Variants in ATP6V1C2 observed in about 807,000 individuals in gnomAD.
ATP6V1C2 encodes V-type proton ATPase subunit C 2.
ATP6V1C2 carries 45 observed loss-of-function variants against 56.8 expected under a neutral mutation model. That is an observed-to-expected ratio of 0.79 (90% CI 0.62 to 1.02). The LOEUF is 1.02. ATP6V1C2 is among the 50% of genes least tolerant of loss of function. The probability of loss-of-function intolerance (pLI) is 0.00; values close to 1 mark genes in which losing one functional copy is unlikely to be tolerated. For missense variants in ATP6V1C2, 463 were observed against 519.7 expected, an observed-to-expected ratio of 0.89 and a Z score of 1.06; for synonymous variants, 220 against 201.3, an observed-to-expected ratio of 1.09 and a Z score of -0.79.
intron 7 of ATP6V1C2, 122 bp from the exon 8 acceptor site, chr2:10,772,420 T>A (rs1248186826): frequency 2.4e-6 from 2 of 844,192 alleles, no homozygotes; most frequent in East Asian, 4.8e-5. Flanking sequence ...GAGGGCTCCC[T>A]CTGACCCCAT....
chr2:10,764,279 C>T, intron 4 of ATP6V1C2, 52 bp from the exon 5 acceptor site: 1 of 1,474,786 alleles, frequency 6.8e-7, no homozygotes. Context: ...AAGTCTCAAT[C>T]ATGGATGCAG....
chr2:10,768,107 A>C (rs1198846), intron 5 of ATP6V1C2: 122,573 of 152,590 alleles, frequency 0.8, 49,434 homozygotes, highest in East Asian at 0.94. Flanking sequence ...GCTGGTTGTC[A>C]AAGCTGGTGG....
chr2:10,771,452 C>T (rs779083152), intron 6 of ATP6V1C2, among the ~76,000 whole-genome samples: 5 of 152,210 alleles, frequency 3.3e-5, no homozygotes, highest in Admixed American at 1.3e-4. Context: ...AAGAGCTGGC[C>T]GTTGTGTTGA....
Position 10,783,354 on chromosome 2 carries a change from G to C in ATP6V1C2, c.*91G>C. On this transcript the variant is annotated 3_prime_UTR_variant, in exon 14 of 14. Coordinates refer to ENST00000272238, the MANE Select transcript of ATP6V1C2 (RefSeq NM_001039362.2). ...CAGAGAATGGTTCAAATGTCTTACA[G>C]AACTAAGATCTTTTTCAGAGAAATT... The C allele has an allele frequency of 1.3e-6, 1 of 768,992 alleles. No homozygotes were observed. Among genetic ancestry groups the C allele is most frequent in the Non-Finnish European group, 2.1e-6 (1 of 477,948 alleles). 47.6% of individuals were successfully genotyped at this position (768,992 alleles called of 1,614,324 possible).
At chr2:10,753,911 C>A in intron 3 of ATP6V1C2, 70 bp from the exon 4 acceptor site, 1 of 1,385,950 alleles carries the variant, frequency 7.2e-7, no homozygotes, top group Non-Finnish European at 1.0e-6. Context: ...CTTTTCCTGC[C>A]AGCAGCATGT....
chr2:10,764,471 G>A, intron 5 of ATP6V1C2, 46 bp downstream of exon 5: 1 of 1,546,096 alleles, frequency 6.5e-7, no homozygotes, highest in Non-Finnish European at 8.9e-7. Context: ...GGTGGGTCAG[G>A]CGGGCAAGAG....
chr2:10,731,453 C>G (rs1357565714), intron 3 of ATP6V1C2, among the ~76,000 whole-genome samples: 1 of 152,184 alleles, frequency 6.6e-6, no homozygotes, highest in East Asian at 1.9e-4. Context: ...CTCTGCACCA[C>G]AGGGAGGTAT....
chr2:10,762,027 T>C (rs893604835), intron 4 of ATP6V1C2, among the ~76,000 whole-genome samples: 1 of 152,246 alleles, frequency 6.6e-6, no homozygotes, highest in African/African-American at 2.4e-5. Context: ...TGCAGGGCGT[T>C]AGGTGCTTCA....
intron 4 of ATP6V1C2, 111 bp from the exon 5 acceptor site, chr2:10,764,220 C>T: frequency 2.1e-6 from 2 of 950,874 alleles, no homozygotes; most frequent in South Asian, 1.4e-5. Flanking sequence ...CCGGCGTTGC[C>T]CATGATGGCT....
Position 10,784,861 on chromosome 2 carries a change from G to A in ATP6V1C2, c.*1598G>A, listed in dbSNP as rs1665629108. The A allele has an allele frequency of 1.8e-6, 2 of 1,118,472 alleles. No homozygotes were observed. Among genetic ancestry groups the A allele is most frequent in the South Asian group, 1.3e-5 (1 of 74,742 alleles). 69.3% of individuals were successfully genotyped at this position (1,118,472 alleles called of 1,614,324 possible). A position where few individuals can be genotyped will look rare whatever the true frequency, so the allele number is the denominator to read the frequency against. On this transcript the variant is annotated 3_prime_UTR_variant, in exon 14 of 14. Coordinates refer to ENST00000272238, the MANE Select transcript of ATP6V1C2 (RefSeq NM_001039362.2). Reference sequence around the variant, plus strand: ...GTCTGATGGGAAGGACTTGACTCCAGGTGCAGAGATGCACAGGCTCAAGAG... The same window carrying A: ...GTCTGATGGGAAGGACTTGACTCCAAGTGCAGAGATGCACAGGCTCAAGAG...
chr2:10,754,196 T>G (rs747047144), intron 4 of ATP6V1C2, 130 bp downstream of exon 4: 21 of 669,446 alleles, frequency 3.1e-5, no homozygotes, highest in Non-Finnish European at 5.5e-5. Context: ...GATTGACACA[T>G]TGGGCAGAGG....
chr2:10,758,957 G>A (rs1663725086), intron 4 of ATP6V1C2, among the ~76,000 whole-genome samples: 1 of 152,174 alleles, frequency 6.6e-6, no homozygotes, highest in African/African-American at 2.4e-5. Flanking sequence ...GTGAGCCACC[G>A]CGCCGGCCGA....
intron 6 of ATP6V1C2, 103 bp downstream of exon 6, chr2:10,768,913 ATGAGAG>A: frequency 2.2e-6 from 2 of 905,704 alleles, no homozygotes; most frequent in Non-Finnish European, 3.5e-6. Flanking sequence ...GTGCCCATGC[ATGAGAG>A]TGAGACAGAC....
intron 3 of ATP6V1C2, among the ~76,000 whole-genome samples, chr2:10,730,642 C>A (rs2148413977): frequency 7.7e-6 from 1 of 129,516 alleles, no homozygotes; most frequent in Non-Finnish European, 1.6e-5. Context: ...AGATAATACA[C>A]AGGTGTAAAC....
Position 10,784,501 on chromosome 2 carries a change from C to A in ATP6V1C2, c.*1238C>A. The A allele has an allele frequency of 1.8e-6, 1 of 557,390 alleles. No homozygotes were observed. Among genetic ancestry groups the A allele is most frequent in the Non-Finnish European group, 3.1e-6 (1 of 318,110 alleles). The allele number at this position is 557,390 out of a possible 1,614,324, so 34.5% of individuals were successfully genotyped here. On this transcript the variant is annotated 3_prime_UTR_variant, in exon 14 of 14. Coordinates refer to ENST00000272238, the MANE Select transcript of ATP6V1C2 (RefSeq NM_001039362.2). Reference sequence around the variant, plus strand: ...CTATGATTATACGGATGGAAAAGCTCAGAACTCAGGTGAAACATTTCAACA... The same window carrying A: ...CTATGATTATACGGATGGAAAAGCTAAGAACTCAGGTGAAACATTTCAACA...
At position 10,780,221 on chromosome 2, in the gene ATP6V1C2, C is replaced by G. The variant is rs910918393; in HGVS notation, c.1061+1552C>G. On this transcript the variant is annotated intron_variant, in intron 12 of 13. Transcript: ENST00000272238. The surrounding 1 kb of genome is among the most constrained non-coding windows in gnomAD (Gnocchi z 4.1). ...CACCCCTTCCTCTGCTTCCCTGTTT[C>G]TGCCAGTGGCCTCCTCATCCTTCCC... 7.9e-5 allele frequency among the ~76,000 whole-genome samples: 12 copies of G among 152,214 alleles called. No homozygotes were observed. Among genetic ancestry groups the G allele is most frequent in the Non-Finnish European group, 1.3e-4 (9 of 68,042 alleles).
At chr2:10,755,967 C>T (rs1168679474) in intron 4 of ATP6V1C2, among the ~76,000 whole-genome samples, 1 of 152,118 alleles carries the variant, frequency 6.6e-6, no homozygotes, top group Admixed American at 6.6e-5. Context: ...AAGGCAAAAC[C>T]TTTGAGACTT....
At chr2:10,766,613 C>A (rs2148484972) in intron 5 of ATP6V1C2, among the ~76,000 whole-genome samples, 1 of 151,992 alleles carries the variant, frequency 6.6e-6, no homozygotes, top group South Asian at 2.1e-4. Context: ...ATATATAAAT[C>A]TTATTTTAAA....
At chr2:10,762,152 T>TC (rs1231673955) in intron 4 of ATP6V1C2, among the ~76,000 whole-genome samples, 1 of 151,640 alleles carries the variant, frequency 6.6e-6, no homozygotes, top group East Asian at 1.9e-4. Context: ...TAAATTTTTT[T>TC]TTTTTTTTTT....
Sources: gnomAD v4.1 joint callset for allele counts (sites outside exome capture counted in the v4.1 genomes callset) on GRCh38, gnomAD v4.1.1 for gene constraint, Gnocchi (gnomAD v3.1) non-coding constraint, MANE v1.5 for transcripts, NCBI Gene and HGNC (gene_info 2026-07-23, HGNC 2026-07-21) for gene names.